SPAG16: variants seen among roughly 807,000 people sequenced by gnomAD.
SPAG16 encodes sperm-associated antigen 16 protein.
SPAG16 carries 86 observed loss-of-function variants against 80.4 expected under a neutral mutation model. The observed-to-expected ratio is 1.07, with a 90% CI of 0.90 to 1.28. SPAG16 has a LOEUF of 1.28. SPAG16 is among the 50% of genes most tolerant of loss of function. The pLI is 0.00. For missense variants in SPAG16, 870 were observed against 765.3 expected (o/e 1.14, Z -1.61); for synonymous variants, 294 against 265.9 (o/e 1.11, Z -1.03).
At chr2:213,470,553 G>A (rs2073021531) in intron 9 of SPAG16, among the ~76,000 whole-genome samples, 1 of 152,182 alleles carries the variant, frequency 6.6e-6, no homozygotes, top group South Asian at 2.1e-4. Flanking sequence ...GAGGAATGGT[G>A]CCATATTGTG....
chr2:213,490,598 T>C (rs967299149), intron 10 of SPAG16, among the ~76,000 whole-genome samples: 3 of 152,154 alleles, frequency 2.0e-5, no homozygotes, highest in Non-Finnish European at 2.9e-5. Flanking sequence ...ACACATTTAT[T>C]TTAAATCTTA....
intron 10 of SPAG16, among the ~76,000 whole-genome samples, chr2:213,575,575 C>T (rs191643031): frequency 3.9e-5 from 6 of 152,156 alleles, no homozygotes; most frequent in Admixed American, 3.3e-4. Flanking sequence ...CAGTGACTTC[C>T]ACTGTAAGTT....
At chr2:214,150,365 G>C (rs1055686898) in intron 15 of SPAG16, among the ~76,000 whole-genome samples, 1 of 151,936 alleles carries the variant, frequency 6.6e-6, no homozygotes, top group African/African-American at 2.4e-5. Context: ...AGTAACAATG[G>C]CTTCTTTAAA....
intron 10 of SPAG16, among the ~76,000 whole-genome samples, chr2:213,774,831 G>A (rs1331619814): frequency 6.6e-6 from 1 of 152,146 alleles, no homozygotes; most frequent in African/African-American, 2.4e-5. Flanking sequence ...TGAAGCTTTA[G>A]TTAGATTCAC....
chr2:213,483,793 A>G (rs528290733), intron 9 of SPAG16, among the ~76,000 whole-genome samples: 1 of 152,354 alleles, frequency 6.6e-6, no homozygotes, highest in South Asian at 2.1e-4. Flanking sequence ...ATAGGCACTT[A>G]CTTAACTTTA....
intron 4 of SPAG16, among the ~76,000 whole-genome samples, chr2:213,312,044 T>A (rs2063210585): frequency 6.6e-6 from 1 of 151,694 alleles, no homozygotes; most frequent in Admixed American, 6.6e-5. Flanking sequence ...TGCTTCCTGA[T>A]TTTTAAAATA....
chr2:213,508,589 A>G (rs2075072457), intron 10 of SPAG16, among the ~76,000 whole-genome samples: 1 of 152,204 alleles, frequency 6.6e-6, no homozygotes, highest in African/African-American at 2.4e-5. Context: ...AAAAGAAAAA[A>G]AAAAATGATG....
intron 15 of SPAG16, among the ~76,000 whole-genome samples, chr2:214,189,646 A>G (rs1409002004): frequency 1.3e-5 from 2 of 151,960 alleles, no homozygotes; most frequent in East Asian, 1.9e-4. Context: ...TTTTTTTTGT[A>G]TTGAATGCAT....
intron 15 of SPAG16, among the ~76,000 whole-genome samples, chr2:214,367,841 GT>G (rs1287517464): frequency 6.6e-6 from 1 of 151,986 alleles, no homozygotes; most frequent in Non-Finnish European, 1.5e-5. Flanking sequence ...TTGCTGGATT[GT>G]CATTCTAAAT....
rs1559529406 is a variant in SPAG16, at chr2:213,860,448, TGTATATATATAC to T, written c.1071-2036_1071-2025del. Among the ~76,000 whole-genome samples, 16 of 127,052 alleles carry T rather than the reference TGTATATATATAC, an allele frequency of 1.3e-4. No homozygotes were observed. The East Asian group carries it at 3.2e-3, about 26-fold the overall frequency. The allele number at this position is 127,052 out of a possible 152,430, so 83.4% of individuals were successfully genotyped here. A position where few individuals can be genotyped will look rare whatever the true frequency, so the allele number is the denominator to read the frequency against. Reference sequence around the variant, plus strand: ...GTATATCTATATATTTATAGATATATGTATATATATACAGATATATCTATCTATATATATATA... The same window carrying T: ...GTATATCTATATATTTATAGATATATAGATATATCTATCTATATATATATA... On this transcript the variant is annotated intron_variant, in intron 10 of 15. Transcript: ENST00000331683.
intron 14 of SPAG16, among the ~76,000 whole-genome samples, chr2:214,146,862 T>C (rs930006715): frequency 6.6e-6 from 1 of 151,872 alleles, no homozygotes; most frequent in Non-Finnish European, 1.5e-5. Flanking sequence ...TAGCCGGGTG[T>C]GGTGGCAGGC....
chr2:213,888,527 T>C (rs2076657503), intron 11 of SPAG16, among the ~76,000 whole-genome samples: 1 of 151,598 alleles, frequency 6.6e-6, no homozygotes, highest in East Asian at 1.9e-4. Context: ...AAATATTTAA[T>C]AAATAAATAT....
intron 10 of SPAG16, among the ~76,000 whole-genome samples, chr2:213,609,848 G>A (rs906188582): frequency 1.3e-5 from 2 of 152,072 alleles, no homozygotes; most frequent in African/African-American, 2.4e-5. Flanking sequence ...GTATGCAGGT[G>A]TATTTTATTC....
chr2:213,705,563 G>T (rs2065711085), intron 10 of SPAG16, among the ~76,000 whole-genome samples: 1 of 152,108 alleles, frequency 6.6e-6, no homozygotes, highest in Non-Finnish European at 1.5e-5. Flanking sequence ...CTTTTGGAAT[G>T]ACTTTGGTTT....
chr2:213,384,428 A>G (rs1394026378), intron 9 of SPAG16, among the ~76,000 whole-genome samples: 1 of 152,144 alleles, frequency 6.6e-6, no homozygotes, highest in Non-Finnish European at 1.5e-5. Context: ...TGGGCAAGCT[A>G]TATTTATTAC....
At chr2:213,816,214 G>A (rs928083048) in intron 10 of SPAG16, among the ~76,000 whole-genome samples, 4 of 152,098 alleles carry the variant, frequency 2.6e-5, no homozygotes, top group Non-Finnish European at 4.4e-5. Context: ...AGTATTTTGT[G>A]TGAGTTACAT....
At position 213,378,115 on chromosome 2, in the gene SPAG16, G is replaced by A. The variant is rs190311688; in HGVS notation, c.942+2996G>A. ...GCATGGAGAAAGATGTAGGCTGGGA[G>A]GCTAGGCCAGTCTGGTCTTTTCACA... On this transcript the variant is annotated intron_variant, in intron 9 of 15. Transcript: ENST00000331683. Among the ~76,000 whole-genome samples, 4 of 152,044 alleles carry A rather than the reference G, an allele frequency of 2.6e-5. No individual in the cohort carries two copies. The East Asian group carries it at 7.7e-4, about 29-fold the overall frequency.
At chr2:213,683,528 A>G (rs1162316522) in intron 10 of SPAG16, among the ~76,000 whole-genome samples, 1 of 151,948 alleles carries the variant, frequency 6.6e-6, no homozygotes, top group Admixed American at 6.6e-5. Flanking sequence ...TCCAGCCTGG[A>G]TGATAGAGTG....
At chr2:214,273,062 A>T (rs1165155401) in intron 15 of SPAG16, among the ~76,000 whole-genome samples, 1 of 152,046 alleles carries the variant, frequency 6.6e-6, no homozygotes, top group Non-Finnish European at 1.5e-5. Flanking sequence ...GCATTTTTTC[A>T]TGTGTCTTTT....
Sources: allele counts gnomAD v4.1 joint callset (sites outside exome capture counted in the v4.1 genomes callset), GRCh38; gene constraint gnomAD v4.1.1; transcripts MANE v1.5; gene names NCBI Gene and HGNC (gene_info 2026-07-23, HGNC 2026-07-21).